TCF7L1: variants seen among roughly 807,000 people sequenced by gnomAD.
TCF7L1 encodes transcription factor 7-like 1.
Under a neutral mutation model 63.7 loss-of-function variants are expected in TCF7L1, and 18 were observed. The observed-to-expected ratio is 0.28, with a 90% CI of 0.20 to 0.42. The LOEUF (loss-of-function observed/expected upper bound fraction) is 0.42, where lower values mean the gene tolerates loss of function less well. TCF7L1 is among the 10% of genes least tolerant of loss of function. The pLI is 1.00. For missense variants in TCF7L1, 654 were observed against 779.3 expected (o/e 0.84, Z 1.91); for synonymous variants, 355 against 340.9 (o/e 1.04, Z -0.46).
chr2:85,175,002 GT>G (rs1323659787), intron 3 of TCF7L1, among the ~76,000 whole-genome samples: 1 of 152,198 alleles, frequency 6.6e-6, no homozygotes, highest in Non-Finnish European at 1.5e-5. Context: ...CTTTGATATC[GT>G]TGATTTGCCT....
At chr2:85,298,439 C>T (rs1202089611) in intron 4 of TCF7L1, among the ~76,000 whole-genome samples, 2 of 130,728 alleles carry the variant, frequency 1.5e-5, no homozygotes, top group South Asian at 2.5e-4. Flanking sequence ...TGCAGTGAGT[C>T]GAGACTGCAC....
intron 3 of TCF7L1, among the ~76,000 whole-genome samples, chr2:85,206,172 C>T (rs1679405689): frequency 6.6e-6 from 1 of 152,248 alleles, no homozygotes; most frequent in South Asian, 2.1e-4. Flanking sequence ...GGCTCAAGAA[C>T]AGAGCCTGTG....
At chr2:85,228,119 G>A (rs2104308611) in intron 3 of TCF7L1, among the ~76,000 whole-genome samples, 1 of 152,014 alleles carries the variant, frequency 6.6e-6, no homozygotes, top group Non-Finnish European at 1.5e-5. Context: ...AGGGACTAAG[G>A]TATTATAAAA....
At chr2:85,242,935 GAT>G (rs963086663) in intron 3 of TCF7L1, among the ~76,000 whole-genome samples, 1 of 152,058 alleles carries the variant, frequency 6.6e-6, no homozygotes, top group Non-Finnish European at 1.5e-5. Context: ...TCCCCATTTA[GAT>G]TACACACCTC....
At chr2:85,287,806 C>A (rs1367205852) in intron 4 of TCF7L1, among the ~76,000 whole-genome samples, 3 of 152,100 alleles carry the variant, frequency 2.0e-5, no homozygotes, top group African/African-American at 7.2e-5. Flanking sequence ...ACCTGAGACA[C>A]CCGGGGAGGA....
At chr2:85,142,593 C>T (rs1677771177) in intron 3 of TCF7L1, among the ~76,000 whole-genome samples, 1 of 151,888 alleles carries the variant, frequency 6.6e-6, no homozygotes, top group African/African-American at 2.4e-5. Context: ...AAGTACTGGT[C>T]ACTTAAGAGC....
At chr2:85,307,443 C>T (rs141461867) in intron 10 of TCF7L1, among the ~76,000 whole-genome samples, 199 bp from the exon 11 acceptor site, 44 of 152,194 alleles carry the variant, frequency 2.9e-4, no homozygotes, top group African/African-American at 8.4e-4. Context: ...GGAGGGGAAA[C>T]GCGTTTGTAG....
At chr2:85,142,005 C>G (rs928804055) in intron 3 of TCF7L1, among the ~76,000 whole-genome samples, 1 of 152,144 alleles carries the variant, frequency 6.6e-6, no homozygotes, top group African/African-American at 2.4e-5. Flanking sequence ...TGTTGGGAAC[C>G]TTTTAGCTAC....
rs1682247645 is a variant in TCF7L1 at position 85,310,266 on chromosome 2, C to T, written c.*804C>T. 1 of 152,628 alleles carries T rather than the reference C, an allele frequency of 6.6e-6. No individual in the cohort carries two copies. The highest frequency in any genetic ancestry group is 1.5e-5 in the Non-Finnish European group (1 of 68,048). 9.5% of individuals were successfully genotyped at this position (152,628 alleles called of 1,614,324 possible). On this transcript the variant is annotated 3_prime_UTR_variant, in exon 12 of 12. Transcript: ENST00000282111. ...AAGTTCTAGAGACCCTGTTCCCTTC[C>T]CCATCACCTCACATGCTTCTTCTGT... is the stretch of plus-strand genomic sequence containing the variant.
chr2:85,139,275 G>A (rs1464510951), intron 3 of TCF7L1, among the ~76,000 whole-genome samples: 2 of 152,208 alleles, frequency 1.3e-5, no homozygotes, highest in African/African-American at 4.8e-5. Context: ...CCAAAGTGCT[G>A]GGATTACAGG....
At chr2:85,203,142 C>G (rs974179570) in intron 3 of TCF7L1, among the ~76,000 whole-genome samples, 2 of 152,122 alleles carry the variant, frequency 1.3e-5, no homozygotes, top group Non-Finnish European at 2.9e-5. Flanking sequence ...CCCAGTACCT[C>G]CTAACTCTTA....
chr2:85,140,502 G>A (rs1313776249), intron 3 of TCF7L1, among the ~76,000 whole-genome samples: 13 of 152,092 alleles, frequency 8.5e-5, no homozygotes, highest in Admixed American at 7.9e-4. Flanking sequence ...GAAGCTGGAG[G>A]GAAAGAAAGT....
chr2:85,234,746 G>A (rs1680159030), intron 3 of TCF7L1, among the ~76,000 whole-genome samples: 1 of 152,134 alleles, frequency 6.6e-6, no homozygotes, highest in Admixed American at 6.5e-5. Context: ...TAAAGGTGGT[G>A]AGGTCCAGGA....
intron 3 of TCF7L1, among the ~76,000 whole-genome samples, chr2:85,142,919 A>C (rs1402867908): frequency 6.6e-6 from 1 of 152,260 alleles, no homozygotes; most frequent in African/African-American, 2.4e-5. Flanking sequence ...AGGTTCTCAA[A>C]TAAATTTCAA....
chr2:85,260,549 A>G (rs1680834839), intron 3 of TCF7L1, among the ~76,000 whole-genome samples: 1 of 151,686 alleles, frequency 6.6e-6, no homozygotes, highest in Non-Finnish European at 1.5e-5. Context: ...GGACTGAGGT[A>G]GGAGGATTAC....
chr2:85,163,108 C>T (rs1678328063), intron 3 of TCF7L1, among the ~76,000 whole-genome samples: 1 of 152,156 alleles, frequency 6.6e-6, no homozygotes, highest in Non-Finnish European at 1.5e-5. Context: ...CCTGGCTGCA[C>T]ATTTGAATCA....
In TCF7L1 at chr2:85,308,206, A is replaced by C. The variant is rs114064483; in HGVS notation, c.1333+489A>C. On this transcript the variant is annotated intron_variant, in intron 11 of 11. Transcript: ENST00000282111. ...ATGTATAAAATCTCTATATTACCAGAATCATGCCTAGCACAGAAAGATGCT... is the reference window on the plus strand; with the variant it reads ...ATGTATAAAATCTCTATATTACCAGCATCATGCCTAGCACAGAAAGATGCT... Among the ~76,000 whole-genome samples the C allele has an allele frequency of 6.0e-3, 919 of 152,260 alleles. 7 individuals are homozygous for C. Among genetic ancestry groups the C allele is most frequent in the Admixed American group, 8.9e-3 (136 of 15,288 alleles).
intron 3 of TCF7L1, among the ~76,000 whole-genome samples, chr2:85,148,285 G>A (rs1374652149): frequency 6.6e-6 from 1 of 152,148 alleles, no homozygotes; most frequent in Admixed American, 6.5e-5. Context: ...ACCTTGCATG[G>A]AAAGAGAGGA....
intron 3 of TCF7L1, among the ~76,000 whole-genome samples, chr2:85,141,500 T>G (rs1478057817): frequency 1.3e-5 from 2 of 152,162 alleles, no homozygotes; most frequent in Non-Finnish European, 2.9e-5. Context: ...TCTATCCCGG[T>G]GTACCTTCCA....
Sources: gnomAD v4.1 joint callset for allele counts (sites outside exome capture counted in the v4.1 genomes callset) on GRCh38, gnomAD v4.1.1 for gene constraint, MANE v1.5 for transcripts, NCBI Gene and HGNC (gene_info 2026-07-23, HGNC 2026-07-21) for gene names.